The following C3orf20 variants were observed in gnomAD, a reference collection of about 807,000 sequenced individuals.
C3orf20 encodes uncharacterized protein C3orf20.
A neutral mutation model predicts 88.3 loss-of-function variants in C3orf20; 76 were observed. That is an observed-to-expected ratio of 0.86 (90% CI 0.72 to 1.04). The LOEUF is 1.04. Among genes scored for constraint, C3orf20 ranks in the 50% least tolerant of loss-of-function variants. The pLI is 0.00. For missense variants in C3orf20, 1,056 were observed against 1,123.3 expected (o/e 0.94, Z 0.86); for synonymous variants, 436 against 437.4 (o/e 1.00, Z 0.04).
chr3:14,735,205 G>T (rs2034667133), intron 12 of C3orf20, among the ~76,000 whole-genome samples: 2 of 150,786 alleles, frequency 1.3e-5, no homozygotes, highest in South Asian at 2.1e-4. Context: ...TAAATATTTG[G>T]GCTAATATTT....
chr3:14,712,071 A>G (rs1374878550), intron 7 of C3orf20, among the ~76,000 whole-genome samples: 1 of 152,010 alleles, frequency 6.6e-6, no homozygotes, highest in Non-Finnish European at 1.5e-5. Flanking sequence ...AGGGGCTCTG[A>G]AGATGTAATT....
intron 12 of C3orf20, among the ~76,000 whole-genome samples, chr3:14,730,064 A>G (rs991227370): frequency 3.3e-5 from 5 of 151,578 alleles, no homozygotes; most frequent in Non-Finnish European, 7.4e-5. Context: ...GACCAATCTC[A>G]CCCTCCTTCC....
At chr3:14,717,248 G>T (rs1408292799) in intron 9 of C3orf20, among the ~76,000 whole-genome samples, 2 of 152,224 alleles carry the variant, frequency 1.3e-5, no homozygotes, top group African/African-American at 4.8e-5. Context: ...GGAGGGAAAA[G>T]TGCTTTGACA....
chr3:14,712,780 G>T (rs1164666342), intron 7 of C3orf20, among the ~76,000 whole-genome samples: 3 of 152,018 alleles, frequency 2.0e-5, no homozygotes, highest in Non-Finnish European at 4.4e-5. Context: ...TCACTGTCTA[G>T]TGTCCTTTCA....
chr3:14,716,564 C>T (rs1301327170), intron 9 of C3orf20, among the ~76,000 whole-genome samples: 1 of 152,174 alleles, frequency 6.6e-6, no homozygotes, highest in East Asian at 1.9e-4. Context: ...TATTCACTCC[C>T]TTGAACATGT....
intron 1 of C3orf20, among the ~76,000 whole-genome samples, chr3:14,676,168 C>T (rs1027803723): frequency 6.7e-6 from 1 of 149,084 alleles, no homozygotes; most frequent in African/African-American, 2.5e-5. Flanking sequence ...CCTCCCCGCA[C>T]CCCACCCCAC....
Position 14,714,112 on chromosome 3 carries a change from A to G in C3orf20, c.1266A>G (p.Leu422=), listed in dbSNP as rs766948823. Residue 422 remains leucine (L), a synonymous_variant, in exon 8 of 17, where the codon CTA becomes CTG. Transcript: ENST00000253697. Reference sequence around the variant, plus strand: ...TACCTGGATTCTCCTTGCTGGCCCTATTCAATACTGAAGGCCAGGGCTGTG... The same window carrying G: ...TACCTGGATTCTCCTTGCTGGCCCTGTTCAATACTGAAGGCCAGGGCTGTG... ...NDIPGFSLLA[L]FNTEGQGCVH... 2 of 1,614,052 alleles carry G rather than the reference A, an allele frequency of 1.2e-6. No individual in the cohort carries two copies. Among genetic ancestry groups the G allele is most frequent in the Non-Finnish European group, 1.7e-6 (2 of 1,179,994 alleles).
intron 10 of C3orf20, chr3:14,722,481 C>A (rs552053207): frequency 2.2e-6 from 1 of 456,668 alleles, no homozygotes; most frequent in Admixed American, 2.3e-5. Flanking sequence ...AATCAAGGTG[C>A]TGTTACCAGG....
At chr3:14,682,520 C>A in intron 2 of C3orf20, 58 bp from the exon 3 acceptor site, 1 of 692,520 alleles carries the variant, frequency 1.4e-6, no homozygotes, top group Non-Finnish European at 2.4e-6. Flanking sequence ...GACGGGGGAC[C>A]TCCCCTTGCC....
chr3:14,676,824 T>C (rs1232146258), intron 1 of C3orf20, among the ~76,000 whole-genome samples: 2 of 152,218 alleles, frequency 1.3e-5, no homozygotes, highest in Non-Finnish European at 2.9e-5. Flanking sequence ...ACATTAAACC[T>C]TGGCTTCTCA....
Position 14,682,648 on chromosome 3 carries a change from G to A in C3orf20, c.-66G>A, listed in dbSNP as rs146350290. 43 of 1,537,470 alleles carry A rather than the reference G, an allele frequency of 2.8e-5. No homozygotes were observed. The highest frequency in any genetic ancestry group is 3.5e-4 in the Middle Eastern group (2 of 5,654). On this transcript the variant is annotated 5_prime_UTR_variant, in exon 3 of 17. Transcript: ENST00000253697. ...TTCTGTCCATCTCCAAGCCTTCACCGTAGGGAAGAACTTTTGCTCTCAGTC... is the reference window on the plus strand; with the variant it reads ...TTCTGTCCATCTCCAAGCCTTCACCATAGGGAAGAACTTTTGCTCTCAGTC...
intron 12 of C3orf20, among the ~76,000 whole-genome samples, chr3:14,730,067 C>G (rs891221131): frequency 6.6e-6 from 1 of 152,276 alleles, no homozygotes; most frequent in East Asian, 1.9e-4. Flanking sequence ...CAATCTCACC[C>G]TCCTTCCCAG....
At chr3:14,728,044 A>C (rs1199727576) in intron 11 of C3orf20, among the ~76,000 whole-genome samples, 2 of 152,198 alleles carry the variant, frequency 1.3e-5, no homozygotes, top group Non-Finnish European at 2.9e-5. Context: ...TACAACAAAG[A>C]AAGTAGTTGG....
intron 12 of C3orf20, among the ~76,000 whole-genome samples, chr3:14,748,962 T>G (rs2035141179): frequency 6.6e-6 from 1 of 152,200 alleles, no homozygotes; most frequent in Non-Finnish European, 1.5e-5. Flanking sequence ...TGTCTGTTAG[T>G]TCTAGTTGGT....
At chr3:14,686,939 A>G (rs1459867479) in intron 4 of C3orf20, among the ~76,000 whole-genome samples, 2 of 152,228 alleles carry the variant, frequency 1.3e-5, no homozygotes, top group Non-Finnish European at 2.9e-5. Flanking sequence ...AATAAATTGC[A>G]TAGAAAAATT....
chr3:14,708,563 A>G (rs2033615216), intron 7 of C3orf20, among the ~76,000 whole-genome samples: 1 of 152,110 alleles, frequency 6.6e-6, no homozygotes, highest in Admixed American at 6.5e-5. Flanking sequence ...CACAAAAAAA[A>G]GGCAATAAGA....
intron 4 of C3orf20, among the ~76,000 whole-genome samples, chr3:14,689,135 C>T (rs1170490470): frequency 6.6e-6 from 1 of 152,160 alleles, no homozygotes; most frequent in African/African-American, 2.4e-5. Flanking sequence ...TGGATTCTCT[C>T]TACACCAGCA....
At chr3:14,761,736 G>T in intron 15 of C3orf20, 121 bp downstream of exon 15, 4 of 904,796 alleles carry the variant, frequency 4.4e-6, no homozygotes, top group Non-Finnish European at 6.7e-6. Flanking sequence ...ATGGAGTGGG[G>T]AGGGGGGCTG....
At chr3:14,744,748 CT>C (rs1559436241) in intron 12 of C3orf20, among the ~76,000 whole-genome samples, 1 of 152,004 alleles carries the variant, frequency 6.6e-6, no homozygotes, top group African/African-American at 2.4e-5. Flanking sequence ...GCAGAAACCC[CT>C]GATACACCCA....
Sources: allele counts gnomAD v4.1 joint callset (sites outside exome capture counted in the v4.1 genomes callset), GRCh38; gene constraint gnomAD v4.1.1; transcripts MANE v1.5; gene names NCBI Gene and HGNC (gene_info 2026-07-23, HGNC 2026-07-21).